LRRC4C: variants seen among roughly 807,000 people sequenced by gnomAD.
LRRC4C encodes leucine rich repeat containing 4C.
Under a neutral mutation model 33.6 loss-of-function variants are expected in LRRC4C, and 5 were observed. That is an observed-to-expected ratio of 0.15 (90% CI 0.08 to 0.31). The LOEUF (loss-of-function observed/expected upper bound fraction) is 0.31, where lower values mean the gene tolerates loss of function less well. LRRC4C is among the 10% of genes least tolerant of loss of function. The pLI, the probability that LRRC4C is intolerant of heterozygous loss-of-function variation, is 1.00. For missense variants in LRRC4C, 560 were observed against 796.7 expected, an observed-to-expected ratio of 0.70 and a Z score of 3.58; for synonymous variants, 329 against 302.0, an observed-to-expected ratio of 1.09 and a Z score of -0.93.
rs576883595 is a variant in LRRC4C at position 41,381,583 on chromosome 11, C to T, written c.-496+77848G>A. 1.1e-4 allele frequency among the ~76,000 whole-genome samples: 16 copies of T among 149,684 alleles called. No individual in the cohort carries two copies. The South Asian group carries it at 1.7e-3, about 16-fold the overall frequency. On this transcript the variant is annotated intron_variant, in intron 1 of 6. Transcript: ENST00000528697. ...CAGAGGTTGCAGTGAGCCAAGATTG[C>T]GCCACTGTACTCCAGCCTGGGCAAC...
chr11:40,241,848 GAGAA>G (rs1226232843), intron 4 of LRRC4C: 1 of 152,234 alleles, frequency 6.6e-6, no homozygotes, highest in Non-Finnish European at 1.5e-5. Flanking sequence ...CAAAGCAGAA[GAGAA>G]AGGCTGTTGG....
chr11:40,781,620 T>C (rs752585406), intron 2 of LRRC4C, among the ~76,000 whole-genome samples: 15 of 152,202 alleles, frequency 9.9e-5, no homozygotes, highest in Non-Finnish European at 1.9e-4. Context: ...ACTAAAGGAT[T>C]TGACTTTTAA....
chr11:40,992,802 A>G (rs1853678409), intron 1 of LRRC4C, among the ~76,000 whole-genome samples: 1 of 152,146 alleles, frequency 6.6e-6, no homozygotes, highest in Non-Finnish European at 1.5e-5. Context: ...TTATTTCTCC[A>G]TCTTCCTCAT....
chr11:40,573,736 G>A (rs769966167), intron 3 of LRRC4C, among the ~76,000 whole-genome samples: 1 of 152,180 alleles, frequency 6.6e-6, no homozygotes, highest in Non-Finnish European at 1.5e-5. Context: ...TATCCTAGAT[G>A]AATTAACTAA....
intron 1 of LRRC4C, among the ~76,000 whole-genome samples, chr11:41,217,763 G>T (rs774038649): frequency 4.6e-5 from 7 of 152,086 alleles, no homozygotes; most frequent in Non-Finnish European, 1.0e-4. Flanking sequence ...CTTCTGTGAT[G>T]AATATGTTAA....
chr11:40,979,623 C>A (rs12226107), intron 1 of LRRC4C, among the ~76,000 whole-genome samples: 1 of 151,938 alleles, frequency 6.6e-6, no homozygotes, highest in Non-Finnish European at 1.5e-5. Flanking sequence ...TTGAGAAGCC[C>A]GAATTCATCT....
At chr11:41,334,281 AT>A (rs1236014073) in intron 1 of LRRC4C, among the ~76,000 whole-genome samples, 1 of 152,142 alleles carries the variant, frequency 6.6e-6, no homozygotes, top group African/African-American at 2.4e-5. Flanking sequence ...GTTCAAGAAG[AT>A]TTCCTAATAC....
rs182717596 is a variant in LRRC4C, at chr11:41,161,237, A to G, written c.-495-227514T>C. On this transcript the variant is annotated intron_variant, in intron 1 of 6. Coordinates refer to ENST00000528697, the MANE Select transcript of LRRC4C (RefSeq NM_001258419.2). ...ATGTTATGTCCCATATGTCCTGCTT[A>G]CATATATACAATGAAGATTAACATA... 5.4e-4 allele frequency among the ~76,000 whole-genome samples: 83 copies of G among 152,298 alleles called. 1 individual carries two copies. In the East Asian group the frequency reaches 0.01, roughly 19 times the overall value.
chr11:40,180,440 G>C (rs2135513373), intron 5 of LRRC4C, among the ~76,000 whole-genome samples: 1 of 152,256 alleles, frequency 6.6e-6, no homozygotes, highest in Middle Eastern at 3.4e-3. Context: ...GAGATCCCCT[G>C]GTCTGTAGTA....
intron 3 of LRRC4C, among the ~76,000 whole-genome samples, chr11:40,580,550 A>G (rs1332600806): frequency 6.6e-6 from 1 of 152,146 alleles, no homozygotes; most frequent in Non-Finnish European, 1.5e-5. Flanking sequence ...AATAATCTTT[A>G]TTTCTTCTTT....
At chr11:41,251,291 A>C (rs984534268) in intron 1 of LRRC4C, among the ~76,000 whole-genome samples, 1 of 152,130 alleles carries the variant, frequency 6.6e-6, no homozygotes, top group Non-Finnish European at 1.5e-5. Flanking sequence ...TCACAGCACA[A>C]ACTCTTCTAA....
chr11:40,942,097 A>T (rs548565133), intron 1 of LRRC4C, among the ~76,000 whole-genome samples: 15 of 152,250 alleles, frequency 9.9e-5, no homozygotes, highest in African/African-American at 3.6e-4. Context: ...CAAAGGTTGG[A>T]TAGAGAGAGT....
chr11:41,089,343 T>C (rs955477053), intron 1 of LRRC4C, among the ~76,000 whole-genome samples: 1 of 151,912 alleles, frequency 6.6e-6, no homozygotes, highest in East Asian at 1.9e-4. Flanking sequence ...GCAAGCAGAA[T>C]AGCTCTTAAA....
At chr11:40,279,159 T>G (rs1038275046) in intron 4 of LRRC4C, among the ~76,000 whole-genome samples, 1 of 152,188 alleles carries the variant, frequency 6.6e-6, no homozygotes, top group Non-Finnish European at 1.5e-5. Flanking sequence ...ACTTTTCAAT[T>G]ACATATGTCA....
chr11:40,536,318 C>A (rs7128294), intron 3 of LRRC4C, among the ~76,000 whole-genome samples: 3 of 151,968 alleles, frequency 2.0e-5, no homozygotes, highest in African/African-American at 7.3e-5. Context: ...CTCAGCCTCC[C>A]AAGTAGCTGG....
intron 1 of LRRC4C, among the ~76,000 whole-genome samples, chr11:41,163,027 C>T (rs1473438951): frequency 2.6e-5 from 4 of 152,122 alleles, no homozygotes; most frequent in Non-Finnish European, 5.9e-5. Flanking sequence ...TTCTCCCATA[C>T]TGTTCTTGTG....
intron 2 of LRRC4C, among the ~76,000 whole-genome samples, chr11:40,895,258 C>T (rs1955888481): frequency 6.6e-6 from 1 of 151,958 alleles, no homozygotes. Flanking sequence ...AATTTGATTT[C>T]TAAAGGATTC....
At chr11:40,809,414 T>C (rs1001241525) in intron 2 of LRRC4C, among the ~76,000 whole-genome samples, 1 of 152,198 alleles carries the variant, frequency 6.6e-6, no homozygotes, top group African/African-American at 2.4e-5. Flanking sequence ...TTCTCAATAT[T>C]ATTTGTCATA....
At chr11:41,193,970 G>T (rs1034825585) in intron 1 of LRRC4C, among the ~76,000 whole-genome samples, 2 of 151,834 alleles carry the variant, frequency 1.3e-5, no homozygotes, top group African/African-American at 4.8e-5. Context: ...TACTGGTCTT[G>T]CCTCCCCTTC....
Sources: gnomAD v4.1 joint callset for allele counts (sites outside exome capture counted in the v4.1 genomes callset) on GRCh38, gnomAD v4.1.1 for gene constraint, MANE v1.5 for transcripts, NCBI Gene and HGNC (gene_info 2026-07-23, HGNC 2026-07-21) for gene names.